The following CDYL variants were observed in gnomAD, a reference collection of about 807,000 sequenced individuals.
The protein encoded by CDYL is chromodomain Y like.
A neutral mutation model predicts 47.3 loss-of-function variants in CDYL; 8 were observed. The ratio of observed to expected loss-of-function variants is 0.17; its 90% confidence interval spans 0.10 to 0.31. The LOEUF (loss-of-function observed/expected upper bound fraction) is 0.31. Ranked by LOEUF, CDYL falls within the 10% of genes least tolerant of loss-of-function variation. The pLI is 1.00. For missense variants in CDYL, 471 were observed against 701.4 expected (o/e 0.67, Z 3.71); for synonymous variants, 266 against 265.0 (o/e 1.00, Z -0.04).
intron 2 of CDYL, among the ~76,000 whole-genome samples, chr6:4,724,255 T>C (rs1267261360): frequency 6.6e-6 from 1 of 152,122 alleles, no homozygotes; most frequent in Non-Finnish European, 1.5e-5. Flanking sequence ...CATTATATGT[T>C]GGCCCGGCTG....
rs561091602 is a variant in CDYL at position 4,740,318 on chromosome 6, G to C, written c.186+5474G>C. On this transcript the variant is annotated intron_variant, in intron 3 of 8. Transcript: ENST00000328908. ...TGTCAAGCCGGTGCTTCTCAACCTGGGGACAATTTTCACTGCCAGGGGACA... is the reference window on the plus strand; with the variant it reads ...TGTCAAGCCGGTGCTTCTCAACCTGCGGACAATTTTCACTGCCAGGGGACA... Among the ~76,000 whole-genome samples, 4 of 152,176 alleles carry C rather than the reference G, an allele frequency of 2.6e-5. No individual in the cohort carries two copies. The Middle Eastern group carries it at 0.01, about 388-fold the overall frequency.
intron 3 of CDYL, among the ~76,000 whole-genome samples, chr6:4,743,590 C>T (rs2127417655): frequency 6.6e-6 from 1 of 152,262 alleles, no homozygotes; most frequent in Non-Finnish European, 1.5e-5. Flanking sequence ...AAATGTTTTG[C>T]TACAGCATAA....
At chr6:4,707,907 T>C (rs1462055437) in intron 1 of CDYL, among the ~76,000 whole-genome samples, 4 of 151,398 alleles carry the variant, frequency 2.6e-5, no homozygotes, top group African/African-American at 9.8e-5. Context: ...TTCAGTTCTA[T>C]TTTTTTTAGT....
intron 1 of CDYL, among the ~76,000 whole-genome samples, chr6:4,816,231 A>G (rs1759671106): frequency 6.6e-6 from 1 of 150,580 alleles, no homozygotes; most frequent in Non-Finnish European, 1.5e-5. Flanking sequence ...AGCATCAAGC[A>G]CGCAAATCTC....
intron 4 of CDYL, among the ~76,000 whole-genome samples, chr6:4,942,336 T>C (rs1188903587): frequency 6.6e-6 from 1 of 152,076 alleles, no homozygotes; most frequent in Non-Finnish European, 1.5e-5. Flanking sequence ...TGCCAAAAAA[T>C]ATGAGTCATC....
At chr6:4,749,713 A>G (rs1426002086) in intron 3 of CDYL, among the ~76,000 whole-genome samples, 1 of 152,244 alleles carries the variant, frequency 6.6e-6, no homozygotes, top group African/African-American at 2.4e-5. Flanking sequence ...ATCTCATCGG[A>G]AACCTAAGAC....
chr6:4,777,663 G>C (rs1269999320), intron 1 of CDYL, among the ~76,000 whole-genome samples: 1 of 152,216 alleles, frequency 6.6e-6, no homozygotes, highest in East Asian at 1.9e-4. Context: ...AACTTGCGAA[G>C]ACTCTCTAGA....
chr6:4,818,433 G>T (rs1054536404), intron 1 of CDYL, among the ~76,000 whole-genome samples: 1 of 152,130 alleles, frequency 6.6e-6, no homozygotes, highest in Non-Finnish European at 1.5e-5. Flanking sequence ...GCGGTGTGAG[G>T]TATGTACAGT....
At chr6:4,750,214 T>C (rs1267737103) in intron 3 of CDYL, among the ~76,000 whole-genome samples, 1 of 151,902 alleles carries the variant, frequency 6.6e-6, no homozygotes, top group Non-Finnish European at 1.5e-5. Context: ...ATTATTATTA[T>C]TATTTTGAGA....
At chr6:4,912,244 T>C (rs76507523) in intron 2 of CDYL, among the ~76,000 whole-genome samples, 1 of 146,070 alleles carries the variant, frequency 6.8e-6, no homozygotes, top group Admixed American at 6.9e-5. Context: ...TTTTTTTTTT[T>C]CCTGACCATT....
intron 2 of CDYL, among the ~76,000 whole-genome samples, chr6:4,923,768 G>T (rs970964637): frequency 6.6e-6 from 1 of 152,082 alleles, no homozygotes; most frequent in African/African-American, 2.4e-5. Flanking sequence ...AGGCATGGTG[G>T]CGGGCGCCTG....
intron 2 of CDYL, among the ~76,000 whole-genome samples, chr6:4,933,316 C>T (rs1202352689): frequency 6.6e-6 from 1 of 152,242 alleles, no homozygotes; most frequent in African/African-American, 2.4e-5. Context: ...CCTGGATGCT[C>T]ACCCTGGAGG....
intron 2 of CDYL, among the ~76,000 whole-genome samples, chr6:4,906,342 A>G (rs962453896): frequency 6.6e-6 from 1 of 152,240 alleles, no homozygotes; most frequent in African/African-American, 2.4e-5. Flanking sequence ...TAAGAATTGT[A>G]TAGGAATACC....
intron 2 of CDYL, among the ~76,000 whole-genome samples, chr6:4,915,736 T>G (rs944116271): frequency 1.3e-5 from 2 of 152,194 alleles, no homozygotes; most frequent in Admixed American, 1.3e-4. Context: ...AAAGCTCTCT[T>G]GTGGGGGAAA....
chr6:4,790,077 TGATAAA>T (rs750343959), intron 1 of CDYL, among the ~76,000 whole-genome samples: 16 of 152,208 alleles, frequency 1.1e-4, no homozygotes, highest in African/African-American at 2.4e-5. Context: ...ATATTGATAA[TGATAAA>T]AAGCAACAAG....
chr6:4,765,285 T>A (rs1296136227), intron 3 of CDYL, among the ~76,000 whole-genome samples: 1 of 151,788 alleles, frequency 6.6e-6, no homozygotes, highest in African/African-American at 2.4e-5. Context: ...ATCGCACCAC[T>A]GTACTCCAGC....
Position 4,943,598 on chromosome 6 carries a change from A to G in CDYL, c.1174A>G (p.Asn392Asp). 1 of 1,613,474 alleles carries G rather than the reference A, an allele frequency of 6.2e-7. No homozygotes were observed. The highest frequency in any genetic ancestry group is 8.5e-7 in the Non-Finnish European group (1 of 1,179,522). ...QFKKPIIVAV[N>D]GPAIGLGASI... is the part of the protein sequence containing the mutation. ...TAAGAAGCCCATTATTGTAGCAGTC[A>G]ATGGCCCAGCCATTGGTCTAGGAGC... The change falls in exon 5 of 7, where the codon AAT (asparagine) becomes GAT (aspartate). Residue 392 changes from asparagine to aspartate, a missense_variant. By Grantham distance (23) the Asn-to-Asp change is conservative. Coordinates refer to ENST00000397588, the MANE Select transcript of CDYL (RefSeq NM_004824.4).
chr6:4,806,250 C>T (rs973080301), intron 1 of CDYL, among the ~76,000 whole-genome samples: 8 of 152,188 alleles, frequency 5.3e-5, no homozygotes, highest in African/African-American at 1.7e-4. Context: ...CCTCTGTTGG[C>T]AAAGCCTGGC....
chr6:4,728,810 T>G (rs2127413152), intron 2 of CDYL, among the ~76,000 whole-genome samples: 1 of 152,316 alleles, frequency 6.6e-6, no homozygotes, highest in South Asian at 2.1e-4. Context: ...TGCCATATTG[T>G]GCCCACTCCG....
Sources: gnomAD v4.1 joint callset for allele counts (sites outside exome capture counted in the v4.1 genomes callset) on GRCh38, gnomAD v4.1.1 for gene constraint, MANE v1.5 for transcripts, NCBI Gene and HGNC (gene_info 2026-07-23, HGNC 2026-07-21) for gene names.